The following COL22A1 variants were observed in gnomAD, a reference collection of about 807,000 sequenced individuals.
COL22A1 encodes collagen type XXII alpha 1 chain.
In COL22A1, 221 loss-of-function variants were observed where a neutral mutation model predicts 248.9. The observed-to-expected ratio is 0.89, with a 90% CI of 0.80 to 0.99. COL22A1 has a LOEUF of 0.99. Ranked by LOEUF, COL22A1 falls within the 50% of genes least tolerant of loss-of-function variation. The pLI is 0.00. For synonymous variants in COL22A1, 891 were observed against 793.4 expected (o/e 1.12, Z -2.07); for missense variants, 2,240 against 2,179.0 (o/e 1.03, Z -0.56).
intron 15 of COL22A1, chr8:138,778,142 A>G: frequency 4.7e-6 from 3 of 633,442 alleles, no homozygotes; most frequent in Non-Finnish European, 8.6e-6. Flanking sequence ...GGTCCCAGGA[A>G]TATGCATTTA....
intron 3 of COL22A1, among the ~76,000 whole-genome samples, chr8:138,872,989 G>C (rs1823455184): frequency 6.6e-6 from 1 of 152,164 alleles, no homozygotes; most frequent in South Asian, 2.1e-4. Context: ...TCAACAAACA[G>C]CCACTGGCCA....
chr8:138,669,239 C>T (rs948712771), intron 41 of COL22A1, among the ~76,000 whole-genome samples: 3 of 152,154 alleles, frequency 2.0e-5, no homozygotes, highest in South Asian at 2.1e-4. Context: ...AGCGGGAAAA[C>T]GCACGAGTGA....
At chr8:138,862,029 AAAAAAAAAAAAAAAAAAAG>A (rs1293109474) in intron 3 of COL22A1, among the ~76,000 whole-genome samples, 1 of 135,360 alleles carries the variant, frequency 7.4e-6, no homozygotes. Context: ...TCTCTACTAA[AAAAAAAAAAAAAAAAAAAG>A]AAAAAAAGAA....
chr8:138,598,063 T>G (rs545382607), intron 61 of COL22A1, among the ~76,000 whole-genome samples: 2 of 151,980 alleles, frequency 1.3e-5, no homozygotes, highest in South Asian at 4.1e-4. Context: ...CCGGAAGGAG[T>G]GGTCACATGG....
At chr8:138,785,126 G>C (rs918944150) in intron 12 of COL22A1, among the ~76,000 whole-genome samples, 1 of 152,170 alleles carries the variant, frequency 6.6e-6, no homozygotes, top group Admixed American at 6.5e-5. Context: ...TCCAGCCTTA[G>C]CTCTCCCTCT....
chr8:138,765,494 C>A (rs1197571459), intron 16 of COL22A1, among the ~76,000 whole-genome samples: 1 of 152,212 alleles, frequency 6.6e-6, no homozygotes, highest in Non-Finnish European at 1.5e-5. Flanking sequence ...CTGTAAGGAA[C>A]ATGGCTGTGC....
At chr8:138,870,018 G>A (rs1823200348) in intron 3 of COL22A1, among the ~76,000 whole-genome samples, 1 of 151,998 alleles carries the variant, frequency 6.6e-6, no homozygotes, top group Non-Finnish European at 1.5e-5. Context: ...GTATGTGGAG[G>A]GTGGCACGTG....
At chr8:138,805,328 T>C (rs896715177) in intron 10 of COL22A1, among the ~76,000 whole-genome samples, 1 of 145,336 alleles carries the variant, frequency 6.9e-6, no homozygotes, top group African/African-American at 2.6e-5. Flanking sequence ...TGTGTGATGG[T>C]GTGGCTGTGT....
chr8:138,626,870 T>C (rs1820290394), intron 50 of COL22A1, among the ~76,000 whole-genome samples: 1 of 152,232 alleles, frequency 6.6e-6, no homozygotes, highest in South Asian at 2.1e-4. Context: ...TAAGTATCAA[T>C]TAGGGCTTAT....
chr8:138,741,346 A>C (rs1322572938), intron 22 of COL22A1, among the ~76,000 whole-genome samples: 1 of 152,248 alleles, frequency 6.6e-6, no homozygotes, highest in Admixed American at 6.5e-5. Flanking sequence ...ACAAAGCTCC[A>C]AGTGAGTAGA....
chr8:138,713,542 C>A (rs1235752009), intron 30 of COL22A1, among the ~76,000 whole-genome samples: 1 of 152,156 alleles, frequency 6.6e-6, no homozygotes, highest in African/African-American at 2.4e-5. Flanking sequence ...CAAATAGGCC[C>A]GTGGACAAAC....
chr8:138,813,640 CGTTTCGTTCT>C (rs1563799496), intron 7 of COL22A1, among the ~76,000 whole-genome samples: 18 of 56,602 alleles, frequency 3.2e-4, no homozygotes, highest in African/African-American at 7.7e-4. Context: ...TAAAGTCCAG[CGTTTCGTTCT>C]ACACTGAAGG....
At chr8:138,626,900 A>G (rs1820292452) in intron 50 of COL22A1, among the ~76,000 whole-genome samples, 1 of 152,214 alleles carries the variant, frequency 6.6e-6, no homozygotes, top group African/African-American at 2.4e-5. Flanking sequence ...TTATATAATC[A>G]GTGCCCTAAT....
chr8:138,845,193 TAA>T (rs1821155288), intron 3 of COL22A1, among the ~76,000 whole-genome samples: 1 of 152,126 alleles, frequency 6.6e-6, no homozygotes, highest in Non-Finnish European at 1.5e-5. Context: ...ATAAATATGT[TAA>T]AGTCTTCATG....
chr8:138,859,754 C>T (rs1028525289), intron 3 of COL22A1, among the ~76,000 whole-genome samples: 2 of 152,306 alleles, frequency 1.3e-5, no homozygotes, highest in South Asian at 4.1e-4. Flanking sequence ...GATCTGCAGG[C>T]AAAGGGGCAT....
chr8:138,781,948 G>A (rs1563756446), intron 12 of COL22A1, among the ~76,000 whole-genome samples: 1 of 152,176 alleles, frequency 6.6e-6, no homozygotes, highest in East Asian at 1.9e-4. Flanking sequence ...ATGTGCCAAA[G>A]TATATTTCTA....
At chr8:138,900,387 C>T (rs1231612720) in intron 1 of COL22A1, among the ~76,000 whole-genome samples, 2 of 152,206 alleles carry the variant, frequency 1.3e-5, no homozygotes, top group Non-Finnish European at 2.9e-5. Flanking sequence ...TTGGCTTCAG[C>T]CCTACACTGC....
In COL22A1 at chr8:138,753,009, T is replaced by C. The variant is rs145650626; in HGVS notation, c.2032-1498A>G. Among the ~76,000 whole-genome samples, 16 of 152,350 alleles carry C rather than the reference T, an allele frequency of 1.1e-4. No homozygotes were observed. The East Asian group carries it at 2.9e-3, about 28-fold the overall frequency. The stretch of plus-strand genomic sequence containing the variant: ...CATAGTATGTTTACATAGGAGAAGA[T>C]GCTGCTGCGGTAGATTTCCAAGTTA... On this transcript the variant is annotated intron_variant, in intron 21 of 64. Transcript: ENST00000303045.
intron 47 of COL22A1, among the ~76,000 whole-genome samples, chr8:138,644,784 T>C (rs1279873931): frequency 6.6e-6 from 1 of 152,228 alleles, no homozygotes; most frequent in Non-Finnish European, 1.5e-5. Flanking sequence ...TTTTTAAATA[T>C]ATTCATTTGG....
Sources: gnomAD v4.1 joint callset for allele counts (sites outside exome capture counted in the v4.1 genomes callset) on GRCh38, gnomAD v4.1.1 for gene constraint, MANE v1.5 for transcripts, NCBI Gene and HGNC (gene_info 2026-07-23, HGNC 2026-07-21) for gene names.